Variants in NFIA observed in about 807,000 individuals in gnomAD.
NFIA encodes nuclear factor I A, also known as nuclear factor 1 A-type.
In NFIA, 8 loss-of-function variants were observed where a neutral mutation model predicts 62.8. The observed-to-expected ratio is 0.13, with a 90% CI of 0.07 to 0.23. NFIA has a LOEUF of 0.23. Among genes scored for constraint, NFIA ranks in the 10% least tolerant of loss-of-function variants. The pLI, the probability that NFIA is intolerant of heterozygous loss-of-function variation, is 1.00. For missense variants in NFIA, 410 were observed against 642.1 expected, an observed-to-expected ratio of 0.64 and a Z score of 3.91; for synonymous variants, 235 against 238.1, an observed-to-expected ratio of 0.99 and a Z score of 0.12.
Position 61,129,143 on chromosome 1 carries a change from T to C in NFIA, c.559+40463T>C, listed in dbSNP as rs186417537. ...TTCACCGTGTTAGCCAGGATGGTCT[T>C]GATCTCCTGACCTCGTGATCCGTTC... On this transcript the variant is annotated intron_variant, in intron 2 of 10. Coordinates refer to ENST00000403491, the MANE Select transcript of NFIA (RefSeq NM_001134673.4). Among the ~76,000 whole-genome samples the C allele has an allele frequency of 2.1e-3, 313 of 151,828 alleles. 2 individuals carry two copies. Among genetic ancestry groups the C allele is most frequent in the African/African-American group, 7.1e-3 (295 of 41,400 alleles).
chr1:61,344,209 A>G (rs1210971775), intron 4 of NFIA, among the ~76,000 whole-genome samples: 1 of 152,192 alleles, frequency 6.6e-6, no homozygotes, highest in Non-Finnish European at 1.5e-5. Flanking sequence ...TTGAGTTTTC[A>G]TAGCATTGTG....
intron 10 of NFIA, among the ~76,000 whole-genome samples, chr1:61,427,851 C>T (rs1434388973): frequency 6.6e-6 from 1 of 152,206 alleles, no homozygotes; most frequent in Non-Finnish European, 1.5e-5. Flanking sequence ...TTCAGTACCT[C>T]TCACAAAATT....
At chr1:61,096,884 A>G (rs1424157726) in intron 2 of NFIA, among the ~76,000 whole-genome samples, 1 of 151,906 alleles carries the variant, frequency 6.6e-6, no homozygotes, top group East Asian at 1.9e-4. Context: ...CAGTGCAAAA[A>G]CTCAAAGCCT....
intron 2 of NFIA, among the ~76,000 whole-genome samples, chr1:61,214,001 C>T (rs1653438906): frequency 1.3e-5 from 2 of 152,134 alleles, no homozygotes; most frequent in African/African-American, 2.4e-5. Flanking sequence ...GACTTAAAAG[C>T]TCCAGTGAGT....
chr1:61,173,109 C>T (rs963441321), intron 2 of NFIA, among the ~76,000 whole-genome samples: 1 of 152,188 alleles, frequency 6.6e-6, no homozygotes, highest in Admixed American at 6.5e-5. Context: ...CTGGAGCCCC[C>T]TAGATTTTAC....
intron 6 of NFIA, among the ~76,000 whole-genome samples, chr1:61,376,698 C>G (rs898644569): frequency 2.0e-5 from 3 of 151,824 alleles, no homozygotes; most frequent in Non-Finnish European, 4.4e-5. Context: ...TATAAATATA[C>G]TTTATTGACT....
rs144903749 is a variant in NFIA, at chr1:61,361,051, G to A, written c.946+1777G>A. Reference sequence around the variant, plus strand: ...GCTCTCAAGGAATTCACAGTCAGAGGTGGGAAACAAACACATAAGCAGATC... The same window carrying A: ...GCTCTCAAGGAATTCACAGTCAGAGATGGGAAACAAACACATAAGCAGATC... On this transcript the variant is annotated intron_variant, in intron 6 of 10. Transcript: ENST00000403491. 4.4e-3 allele frequency among the ~76,000 whole-genome samples: 668 copies of A among 152,174 alleles called. 3 individuals are homozygous for A. The highest frequency in any genetic ancestry group is 0.011 in the South Asian group (55 of 4,822).
chr1:61,344,374 A>G (rs532935029), intron 4 of NFIA, among the ~76,000 whole-genome samples: 1 of 152,338 alleles, frequency 6.6e-6, no homozygotes, highest in Admixed American at 6.5e-5. Flanking sequence ...CTGTGCTGCT[A>G]TTGGACTTTT....
chr1:61,280,982 G>A (rs906222814), intron 3 of NFIA, among the ~76,000 whole-genome samples: 6 of 152,096 alleles, frequency 3.9e-5, no homozygotes, highest in African/African-American at 9.7e-5. Context: ...AGTGGCTCAC[G>A]CCTATAATCC....
At chr1:61,201,208 A>G (rs1401359892) in intron 2 of NFIA, among the ~76,000 whole-genome samples, 4 of 152,186 alleles carry the variant, frequency 2.6e-5, no homozygotes, top group African/African-American at 7.2e-5. Context: ...TATCCTATCT[A>G]TGGAAAATAT....
intron 9 of NFIA, among the ~76,000 whole-genome samples, chr1:61,416,338 A>T (rs1666346784): frequency 1.3e-5 from 2 of 152,172 alleles, no homozygotes; most frequent in East Asian, 1.9e-4. Flanking sequence ...ATACTCACAC[A>T]TGGGGGAGTT....
rs555376543 is a variant in NFIA at position 61,150,040 on chromosome 1, C to G, written c.559+61360C>G. Among the ~76,000 whole-genome samples, 321 of 152,242 alleles carry G rather than the reference C, an allele frequency of 2.1e-3. 2 individuals carry two copies. Among genetic ancestry groups the G allele is most frequent in the Non-Finnish European group, 2.9e-3 (198 of 68,032 alleles). On this transcript the variant is annotated intron_variant, in intron 2 of 10. Transcript: ENST00000403491. ...AATTCAGACTGGTTTAAGAAGGAAA[C>G]TGAGAGCCTCTTCCCTCCCTATGTT...
intron 9 of NFIA, among the ~76,000 whole-genome samples, chr1:61,421,471 T>C (rs1557772375): frequency 6.6e-6 from 1 of 152,136 alleles, no homozygotes; most frequent in Non-Finnish European, 1.5e-5. Context: ...ATATTTGGAG[T>C]ATTTGATAAA....
At chr1:61,138,453 T>G (rs1460087030) in intron 2 of NFIA, among the ~76,000 whole-genome samples, 1 of 152,122 alleles carries the variant, frequency 6.6e-6, no homozygotes, top group East Asian at 1.9e-4. Flanking sequence ...AGAAAGAATC[T>G]TTGACCCCAC....
At chr1:61,395,721 G>T (rs1354934537) in intron 7 of NFIA, among the ~76,000 whole-genome samples, 1 of 152,162 alleles carries the variant, frequency 6.6e-6, no homozygotes, top group East Asian at 1.9e-4. Flanking sequence ...TAGGCAATTA[G>T]TGTGAGAATA....
At chr1:61,388,190 C>T (rs551679002) in intron 7 of NFIA, among the ~76,000 whole-genome samples, 32 of 152,198 alleles carry the variant, frequency 2.1e-4, no homozygotes, top group African/African-American at 6.3e-4. Context: ...AATATCCTAT[C>T]GATAGGGGGA....
rs542315710 is a variant in NFIA at position 61,147,410 on chromosome 1, C to T, written c.559+58730C>T. ...AAGTGATCTGCCCGCCTCGGCCTCC[C>T]GAAGTGCTAGGATTACAGGTGTGAG... On this transcript the variant is annotated intron_variant, in intron 2 of 10. Transcript: ENST00000403491. Among the ~76,000 whole-genome samples the T allele has an allele frequency of 1.1e-4, 17 of 152,308 alleles. No individual in the cohort carries two copies. The East Asian group carries it at 2.5e-3, about 22-fold the overall frequency.
At chr1:61,283,696 T>C (rs1658307844) in intron 3 of NFIA, among the ~76,000 whole-genome samples, 2 of 151,940 alleles carry the variant, frequency 1.3e-5, no homozygotes, top group African/African-American at 4.8e-5. Flanking sequence ...AACATTTTTT[T>C]ATCTGACATT....
intron 10 of NFIA, among the ~76,000 whole-genome samples, chr1:61,433,676 A>T (rs1156419413): frequency 1.3e-5 from 2 of 151,978 alleles, no homozygotes; most frequent in Non-Finnish European, 2.9e-5. Flanking sequence ...CTAAACTCTT[A>T]TTTTCTGGAT....
Sources: allele counts gnomAD v4.1 joint callset (sites outside exome capture counted in the v4.1 genomes callset), GRCh38; gene constraint gnomAD v4.1.1; transcripts MANE v1.5; gene names NCBI Gene and HGNC (gene_info 2026-07-23, HGNC 2026-07-21).